The following ENOX1 variants were observed in gnomAD, a reference collection of about 807,000 sequenced individuals.
ENOX1 encodes ecto-NOX disulfide-thiol exchanger 1, also known as candidate growth-related and time keeping constitutive hydroquinone (NADH) oxidase.
Under a neutral mutation model 82.5 loss-of-function variants are expected in ENOX1, and 42 were observed. The ratio of observed to expected loss-of-function variants is 0.51; its 90% CI spans 0.40 to 0.66. The LOEUF (loss-of-function observed/expected upper bound fraction) is 0.66, where lower values mean the gene tolerates loss of function less well. Among genes scored for constraint, ENOX1 ranks in the 30% least tolerant of loss-of-function variants. The pLI is 0.00. For synonymous variants in ENOX1, 271 were observed against 282.2 expected, an observed-to-expected ratio of 0.96 and a Z score of 0.40; for missense variants, 608 against 811.6, an observed-to-expected ratio of 0.75 and a Z score of 3.05.
intron 2 of ENOX1, among the ~76,000 whole-genome samples, chr13:43,529,861 G>GGCC (rs139599339): frequency 0.21 from 31,314 of 151,910 alleles, 3,724 homozygotes; most frequent in Middle Eastern, 0.29. Context: ...ACTGTCTCTA[G>GGCC]GCCCCAATTA....
intron 3 of ENOX1, among the ~76,000 whole-genome samples, chr13:43,469,432 T>C (rs945540755): frequency 2.0e-5 from 3 of 152,126 alleles, no homozygotes; most frequent in South Asian, 2.1e-4. Context: ...TTTCCTCTTA[T>C]GTATTTGTCA....
At chr13:43,406,264 T>C (rs2153594562) in intron 5 of ENOX1, among the ~76,000 whole-genome samples, 1 of 152,258 alleles carries the variant, frequency 6.6e-6, no homozygotes, top group East Asian at 1.9e-4. Flanking sequence ...ACTTGCAACC[T>C]ATCTTGGCGT....
intron 1 of ENOX1, among the ~76,000 whole-genome samples, chr13:43,676,560 T>C (rs9316050): frequency 0.087 from 13,275 of 152,218 alleles, 891 homozygotes; most frequent in African/African-American, 0.19. Flanking sequence ...TCCTACTAAA[T>C]GTGGGTTGGT....
intron 3 of ENOX1, among the ~76,000 whole-genome samples, chr13:43,417,506 TA>T (rs1306159645): frequency 1.3e-5 from 2 of 152,266 alleles, no homozygotes; most frequent in African/African-American, 2.4e-5. Context: ...GGTACTTTGT[TA>T]GCATCTATTG....
chr13:43,334,369 G>A (rs2048579840), intron 9 of ENOX1, among the ~76,000 whole-genome samples: 1 of 152,108 alleles, frequency 6.6e-6, no homozygotes, highest in Admixed American at 6.5e-5. Flanking sequence ...TTATATGATG[G>A]GCCAAAGTCT....
chr13:43,221,831 G>A lies in ENOX1; in HGVS notation c.1800+2222C>T, dbSNP rs186163795. ...ACCACAACAGTGACATTACAGGACT[G>A]GGTGGAGCCTGCTTTCCCTGTTCTC... On this transcript the variant is annotated intron_variant, in intron 16 of 16. Coordinates refer to ENST00000690772, the MANE Select transcript of ENOX1 (RefSeq NM_001347969.2). Among the ~76,000 whole-genome samples, 196 of 152,266 alleles carry A rather than the reference G, an allele frequency of 1.3e-3. 1 individual carries two copies. The highest frequency in any genetic ancestry group is 0.01 in the Middle Eastern group (3 of 294).
chr13:43,581,354 G>C (rs1309822775), intron 2 of ENOX1, among the ~76,000 whole-genome samples: 1 of 151,082 alleles, frequency 6.6e-6, no homozygotes, highest in Non-Finnish European at 1.5e-5. Context: ...GGATGGTCTC[G>C]ATCTCCTGAC....
intron 1 of ENOX1, among the ~76,000 whole-genome samples, chr13:43,738,325 T>C (rs1566856082): frequency 6.6e-6 from 1 of 152,184 alleles, no homozygotes; most frequent in South Asian, 2.1e-4. Flanking sequence ...AATGCAGTAA[T>C]TTAAAGTTCT....
intron 12 of ENOX1, among the ~76,000 whole-genome samples, chr13:43,269,782 A>T (rs1733037290): frequency 6.6e-6 from 1 of 152,194 alleles, no homozygotes; most frequent in Admixed American, 6.5e-5. Context: ...TGTGATACTG[A>T]TGCACAAAAC....
chr13:43,381,206 AT>A (rs1201865493), intron 5 of ENOX1, among the ~76,000 whole-genome samples: 2 of 151,844 alleles, frequency 1.3e-5, no homozygotes, highest in African/African-American at 4.8e-5. Context: ...TATAAAGTGT[AT>A]TCTGAGACCA....
At chr13:43,331,533 C>T (rs2048408238) in intron 9 of ENOX1, among the ~76,000 whole-genome samples, 1 of 152,154 alleles carries the variant, frequency 6.6e-6, no homozygotes, top group East Asian at 1.9e-4. Context: ...TTCCCAAATC[C>T]TCTATGAATA....
At chr13:43,685,182 G>T (rs2086002623) in intron 1 of ENOX1, among the ~76,000 whole-genome samples, 1 of 152,036 alleles carries the variant, frequency 6.6e-6, no homozygotes, top group African/African-American at 2.4e-5. Context: ...TCCTACAATG[G>T]GTCTCTTCAT....
chr13:43,621,208 T>C (rs2082714993), intron 2 of ENOX1, among the ~76,000 whole-genome samples: 2 of 152,208 alleles, frequency 1.3e-5, no homozygotes, highest in Admixed American at 6.5e-5. Context: ...TTCTTTCAAG[T>C]GGAGCATTTA....
intron 9 of ENOX1, among the ~76,000 whole-genome samples, chr13:43,330,935 C>T (rs535585734): frequency 6.6e-6 from 1 of 152,240 alleles, no homozygotes; most frequent in Non-Finnish European, 1.5e-5. Flanking sequence ...TGCACTTTTC[C>T]CCACCCCAAA....
At chr13:43,710,230 T>TA (rs1566809332) in intron 1 of ENOX1, among the ~76,000 whole-genome samples, 1 of 152,094 alleles carries the variant, frequency 6.6e-6, no homozygotes, top group Non-Finnish European at 1.5e-5. Context: ...CAGGATCAGA[T>TA]AAAGTTTATC....
chr13:43,217,798 G>C (rs974177268), intron 16 of ENOX1, among the ~76,000 whole-genome samples: 1 of 152,178 alleles, frequency 6.6e-6, no homozygotes, highest in African/African-American at 2.4e-5. Context: ...TTGTGTGCTG[G>C]CCTCTCCATA....
chr13:43,417,002 A>G (rs1594465347), intron 3 of ENOX1, among the ~76,000 whole-genome samples: 1 of 152,226 alleles, frequency 6.6e-6, no homozygotes, highest in African/African-American at 2.4e-5. Flanking sequence ...CGAGGTCAAG[A>G]GCTGGAGACC....
chr13:43,639,359 T>TG (rs2083537246), intron 2 of ENOX1, among the ~76,000 whole-genome samples: 1 of 152,076 alleles, frequency 6.6e-6, no homozygotes, highest in Non-Finnish European at 1.5e-5. Flanking sequence ...AGAAAAAAAT[T>TG]GGGAAATTAG....
chr13:43,645,880 C>T (rs761196875), intron 2 of ENOX1, among the ~76,000 whole-genome samples: 3 of 152,186 alleles, frequency 2.0e-5, no homozygotes, highest in Non-Finnish European at 2.9e-5. Flanking sequence ...CCTTTTGTCT[C>T]AGACTACTAT....
Sources: gnomAD v4.1 joint callset for allele counts (sites outside exome capture counted in the v4.1 genomes callset) on GRCh38, gnomAD v4.1.1 for gene constraint, MANE v1.5 for transcripts, NCBI Gene and HGNC (gene_info 2026-07-23, HGNC 2026-07-21) for gene names.